The following GATA4 variants were observed in gnomAD, a reference collection of about 807,000 sequenced individuals.
GATA4 encodes transcription factor GATA-4.
Under a neutral mutation model 37.9 loss-of-function variants are expected in GATA4, and 7 were observed. That is an observed-to-expected ratio of 0.18 (90% CI 0.11 to 0.35). The LOEUF (loss-of-function observed/expected upper bound fraction) is 0.35, where lower values mean the gene tolerates loss of function less well. GATA4 is among the 10% of genes least tolerant of loss of function. The probability of loss-of-function intolerance (pLI) is 1.00; values close to 1 mark genes in which losing one functional copy is unlikely to be tolerated. For missense variants in GATA4, 647 were observed against 653.0 expected (o/e 0.99, Z 0.10); for synonymous variants, 372 against 292.6 (o/e 1.27, Z -2.77).
At chr8:11,693,558 C>CAGAGAGAGAGAGAGAG (rs1335915996) in intron 1 of GATA4, among the ~76,000 whole-genome samples, 2 of 82,326 alleles carry the variant, frequency 2.4e-5, no homozygotes, top group African/African-American at 8.7e-5. Context: ...CACACACACA[C>CAGAGAGAGAGAGAGAG]ACACAGAGAG....
intron 2 of GATA4, among the ~76,000 whole-genome samples, chr8:11,747,780 G>A (rs993099321): frequency 6.6e-6 from 1 of 152,200 alleles, no homozygotes; most frequent in Non-Finnish European, 1.5e-5. Flanking sequence ...CTAGTTAAAT[G>A]ATGGCACCTT....
chr8:11,729,298 G>A (rs1244910358), intron 2 of GATA4, among the ~76,000 whole-genome samples: 2 of 152,110 alleles, frequency 1.3e-5, no homozygotes, highest in Admixed American at 6.5e-5. Context: ...AGCTGGGCGC[G>A]GTGGCTCATG....
intron 2 of GATA4, among the ~76,000 whole-genome samples, chr8:11,734,736 T>A: frequency 6.6e-6 from 1 of 152,160 alleles, no homozygotes; most frequent in South Asian, 2.1e-4. Flanking sequence ...GTGATCCCCC[T>A]GCCTCGGCCT....
intron 1 of GATA4, among the ~76,000 whole-genome samples, chr8:11,706,957 A>G (rs367769597): frequency 6.6e-5 from 10 of 152,172 alleles, no homozygotes; most frequent in African/African-American, 2.4e-4. Context: ...TGATAATAAC[A>G]AAACGCAGGA....
At chr8:11,681,072 G>A (rs1798954640) in intron 1 of GATA4, 1 of 954,644 alleles carries the variant, frequency 1.0e-6, no homozygotes, top group African/African-American at 1.8e-5. Context: ...GGATTTGGAG[G>A]GACATTGAGG....
intron 1 of GATA4, among the ~76,000 whole-genome samples, chr8:11,686,216 G>GT (rs59033070): frequency 0.2 from 29,573 of 144,738 alleles, 5,102 homozygotes; most frequent in African/African-American, 0.48. Context: ...TACTGGGTCT[G>GT]TTTTTTTTTT....
upstream of GATA4, chr8:11,692,605 G>C (rs1042358268): frequency 1.0e-6 from 1 of 985,248 alleles, no homozygotes; most frequent in African/African-American, 1.7e-5. Context: ...GCGCTGGGGC[G>C]GGAACCGGCT....
intron 2 of GATA4, among the ~76,000 whole-genome samples, chr8:11,747,388 G>T (rs1427218482): frequency 6.6e-6 from 1 of 152,226 alleles, no homozygotes; most frequent in South Asian, 2.1e-4. Flanking sequence ...GGCGGGGAGG[G>T]GTGAGCGAGT....
chr8:11,738,335 G>C (rs563513099), intron 2 of GATA4, among the ~76,000 whole-genome samples: 4 of 151,892 alleles, frequency 2.6e-5, no homozygotes, highest in African/African-American at 9.7e-5. Context: ...TCAGTTTCTT[G>C]TCTGTCCTCC....
chr8:11,735,705 G>A (rs988654366), intron 2 of GATA4, among the ~76,000 whole-genome samples: 5 of 152,168 alleles, frequency 3.3e-5, no homozygotes, highest in Admixed American at 2.6e-4. Flanking sequence ...TGGGATTACA[G>A]GCATGTGCCA....
chr8:11,758,844 C>G lies in GATA4; in HGVS notation c.*369C>G. The G allele has an allele frequency of 5.8e-6, 2 of 342,720 alleles. No individual in the cohort carries two copies. The highest frequency in any genetic ancestry group is 7.5e-5 in the East Asian group (1 of 13,418). 21.2% of individuals were successfully genotyped at this position (342,720 alleles called of 1,614,324 possible). A position where few individuals can be genotyped will look rare whatever the true frequency, so the allele number is the denominator to read the frequency against. On this transcript the variant is annotated 3_prime_UTR_variant, in exon 7 of 7. Coordinates refer to ENST00000532059, the MANE Select transcript of GATA4 (RefSeq NM_001308093.3). ...ATCTGAGAACAAGCGGAGGGCCGGG[C>G]CCTGGGACCCCTGCTCCAGCCCGAA...
At position 11,749,567 on chromosome 8, in the gene GATA4, C is replaced by T. The variant is rs1802193834; in HGVS notation, c.786+482C>T. On this transcript the variant is annotated intron_variant, in intron 3 of 6. Transcript: ENST00000532059. The surrounding 1 kb of genome is among the most constrained non-coding windows in gnomAD (Gnocchi z 4.6). ...CCCGTGGCTAGGGAAGAGTTTGGGC[C>T]TGGGGCTTGGCTCCTGGCTTCCTGC... Among the ~76,000 whole-genome samples, 1 of 152,198 alleles carries T rather than the reference C, an allele frequency of 6.6e-6. No homozygotes were observed.
chr8:11,701,428 C>G (rs1353965126), upstream of GATA4, among the ~76,000 whole-genome samples: 2 of 152,110 alleles, frequency 1.3e-5, no homozygotes, highest in African/African-American at 2.4e-5. Context: ...CCGCTGCCCC[C>G]CTTCCCAGCG....
intron 2 of GATA4, among the ~76,000 whole-genome samples, chr8:11,715,724 G>A (rs1563204825): frequency 6.6e-6 from 1 of 151,870 alleles, no homozygotes; most frequent in Non-Finnish European, 1.5e-5. Context: ...CTGGGCGACA[G>A]AGCAAGACTC....
chr8:11,727,007 T>C (rs531426327), intron 2 of GATA4, among the ~76,000 whole-genome samples: 61 of 151,794 alleles, frequency 4.0e-4, no homozygotes, highest in African/African-American at 1.3e-3. Flanking sequence ...AGATTCTCCA[T>C]GATCCTTCCT....
chr8:11,678,631 T>C (rs1298190346), intron 1 of GATA4, among the ~76,000 whole-genome samples: 1 of 152,208 alleles, frequency 6.6e-6, no homozygotes, highest in East Asian at 1.9e-4. Context: ...CATCACAAAA[T>C]TGGATTGGCT....
At chr8:11,751,660 T>G (rs2645399) in intron 4 of GATA4, among the ~76,000 whole-genome samples, 7 of 152,030 alleles carry the variant, frequency 4.6e-5, no homozygotes, top group African/African-American at 1.5e-4. Context: ...GCAAAAGATA[T>G]GGACTGACAT....
chr8:11,679,625 C>A (rs1339954229), intron 1 of GATA4, among the ~76,000 whole-genome samples: 2 of 152,218 alleles, frequency 1.3e-5, no homozygotes, highest in African/African-American at 4.8e-5. Flanking sequence ...CCCACCTGCC[C>A]GACCCCAGGG....
intron 1 of GATA4, among the ~76,000 whole-genome samples, chr8:11,695,285 A>G (rs1360463470): frequency 6.6e-6 from 1 of 152,130 alleles, no homozygotes; most frequent in African/African-American, 2.4e-5. Flanking sequence ...ACATGCCTGT[A>G]ATCCCAGCAA....
Sources: gnomAD v4.1 joint callset for allele counts (sites outside exome capture counted in the v4.1 genomes callset) on GRCh38, gnomAD v4.1.1 for gene constraint, Gnocchi (gnomAD v3.1) non-coding constraint, MANE v1.5 for transcripts, NCBI Gene and HGNC (gene_info 2026-07-23, HGNC 2026-07-21) for gene names.